CDK14: variants seen among roughly 807,000 people sequenced by gnomAD.
The protein encoded by CDK14 is cyclin dependent kinase 14.
A neutral mutation model predicts 60.7 loss-of-function variants in CDK14; 34 were observed. The observed-to-expected ratio is 0.56, with a 90% confidence interval of 0.43 to 0.75. The LOEUF (loss-of-function observed/expected upper bound fraction) is 0.75. CDK14 is among the 30% of genes least tolerant of loss of function. The probability of loss-of-function intolerance (pLI) is 0.00; values close to 1 mark genes in which losing one functional copy is unlikely to be tolerated. For synonymous variants in CDK14, 197 were observed against 203.7 expected, an observed-to-expected ratio of 0.97 and a Z score of 0.28; for missense variants, 482 against 564.1, an observed-to-expected ratio of 0.85 and a Z score of 1.47.
intron 10 of CDK14, 42 bp downstream of exon 10, chr7:90,984,283 A>G (rs1198403519): frequency 1.6e-6 from 2 of 1,270,400 alleles, no homozygotes; most frequent in Non-Finnish European, 2.3e-6. Flanking sequence ...ATTGGTTTCT[A>G]ATTAGTCACT....
intron 2 of CDK14, among the ~76,000 whole-genome samples, chr7:90,672,671 C>T (rs961406442): frequency 6.6e-6 from 1 of 151,832 alleles, no homozygotes; most frequent in African/African-American, 2.4e-5. Flanking sequence ...AGGTGTACAC[C>T]ACAACATCTG....
chr7:91,121,044 G>A (rs1005580951), intron 14 of CDK14, among the ~76,000 whole-genome samples: 10 of 152,140 alleles, frequency 6.6e-5, no homozygotes, highest in African/African-American at 2.4e-4. Flanking sequence ...GACCATCTTC[G>A]AGATCAAATA....
At chr7:90,742,802 A>G (rs1803403062) in intron 3 of CDK14, among the ~76,000 whole-genome samples, 1 of 152,004 alleles carries the variant, frequency 6.6e-6, no homozygotes, top group African/African-American at 2.4e-5. Context: ...TTATTAAACT[A>G]TTCAGCTTTA....
intron 2 of CDK14, among the ~76,000 whole-genome samples, chr7:90,614,867 T>C (rs1799617077): frequency 6.6e-6 from 1 of 152,172 alleles, no homozygotes; most frequent in South Asian, 2.1e-4. Flanking sequence ...TTGGTAAGTT[T>C]ATTGTGACCT....
intron 2 of CDK14, among the ~76,000 whole-genome samples, chr7:90,718,759 TAGAG>T (rs1248204023): frequency 6.6e-6 from 1 of 152,052 alleles, no homozygotes; most frequent in African/African-American, 2.4e-5. Context: ...AGGGAGAAAA[TAGAG>T]AAGACAGCAA....
intron 12 of CDK14, among the ~76,000 whole-genome samples, chr7:91,084,580 G>C (rs1798577156): frequency 6.6e-6 from 1 of 152,200 alleles, no homozygotes; most frequent in Non-Finnish European, 1.5e-5. Context: ...GTCATTTTGT[G>C]TCATTGCCAG....
intron 10 of CDK14, among the ~76,000 whole-genome samples, chr7:91,010,363 A>C (rs1046554781): frequency 6.6e-6 from 1 of 152,100 alleles, no homozygotes; most frequent in African/African-American, 2.4e-5. Context: ...GATAACTGGC[A>C]TTTTAGTAAT....
intron 14 of CDK14, among the ~76,000 whole-genome samples, chr7:91,199,520 AC>A (rs1398936867): frequency 1.3e-5 from 2 of 152,200 alleles, no homozygotes; most frequent in African/African-American, 4.8e-5. Flanking sequence ...AAACAGTCAC[AC>A]CATTAAAATA....
intron 8 of CDK14, among the ~76,000 whole-genome samples, chr7:90,945,917 G>C (rs1452165869): frequency 1.3e-5 from 2 of 152,146 alleles, no homozygotes; most frequent in Admixed American, 6.5e-5. Context: ...ACATCAAACT[G>C]TCTCTTCATC....
intron 10 of CDK14, among the ~76,000 whole-genome samples, chr7:91,040,324 A>G (rs1337020984): frequency 6.6e-6 from 1 of 151,970 alleles, no homozygotes; most frequent in African/African-American, 2.4e-5. Flanking sequence ...GGAACTTCAT[A>G]CCATCTGTTC....
At chr7:91,006,837 T>C (rs1210470105) in intron 10 of CDK14, among the ~76,000 whole-genome samples, 2 of 152,242 alleles carry the variant, frequency 1.3e-5, no homozygotes, top group Admixed American at 6.5e-5. Flanking sequence ...CACGGATAGC[T>C]TTCTCAGCAA....
chr7:90,984,821 A>G (rs185342415), intron 10 of CDK14, among the ~76,000 whole-genome samples: 1 of 152,318 alleles, frequency 6.6e-6, no homozygotes, highest in East Asian at 1.9e-4. Flanking sequence ...AATCACAAAA[A>G]ATATATCACA....
chr7:90,752,313 T>C (rs1372745814), intron 4 of CDK14, among the ~76,000 whole-genome samples: 1 of 151,688 alleles, frequency 6.6e-6, no homozygotes, highest in African/African-American at 2.4e-5. Flanking sequence ...AGTCATACCA[T>C]CCATACTCTT....
At chr7:90,596,766 C>A (rs1349352925) in intron 1 of CDK14, 48 bp downstream of exon 1, 1 of 1,471,382 alleles carries the variant, frequency 6.8e-7, no homozygotes, top group Non-Finnish European at 9.4e-7. Flanking sequence ...CTCCCCTCGG[C>A]CTGCGCCCCC....
intron 2 of CDK14, among the ~76,000 whole-genome samples, chr7:90,699,486 G>C (rs11763209): frequency 0.16 from 23,741 of 152,210 alleles, 1,961 homozygotes; most frequent in South Asian, 0.18. Context: ...CTTGCCCAAG[G>C]CTTGGATCAG....
chr7:90,899,162 T>C (rs1407092645), intron 6 of CDK14, 129 bp from the exon 7 acceptor site: 1 of 643,602 alleles, frequency 1.6e-6, no homozygotes, highest in Non-Finnish European at 2.5e-6. Flanking sequence ...CTACATACAC[T>C]GAAAAATCCA....
intron 11 of CDK14, among the ~76,000 whole-genome samples, chr7:91,077,659 TAAA>T (rs1348274177): frequency 6.6e-6 from 1 of 150,834 alleles, no homozygotes; most frequent in African/African-American, 2.4e-5. Context: ...TAAAGTAAAG[TAAA>T]AAAGAAAAAT....
chr7:90,870,268 A>G (rs560694970), intron 6 of CDK14, among the ~76,000 whole-genome samples: 29 of 152,306 alleles, frequency 1.9e-4, no homozygotes, highest in Non-Finnish European at 3.2e-4. Flanking sequence ...GCATGTTCTG[A>G]CTTATAAGTG....
At chr7:90,783,267 A>C (rs1805422062) in intron 4 of CDK14, among the ~76,000 whole-genome samples, 1 of 152,166 alleles carries the variant, frequency 6.6e-6, no homozygotes, top group Admixed American at 6.6e-5. Context: ...ATTGTTAGTC[A>C]CATCCTAATA....
Sources: allele counts gnomAD v4.1 joint callset (sites outside exome capture counted in the v4.1 genomes callset), GRCh38; gene constraint gnomAD v4.1.1; transcripts MANE v1.5; gene names NCBI Gene and HGNC (gene_info 2026-07-23, HGNC 2026-07-21).